TGS1: variants seen among roughly 807,000 people sequenced by gnomAD.
The protein encoded by TGS1 is trimethylguanosine synthase.
A neutral mutation model predicts 92.2 loss-of-function variants in TGS1; 69 were observed. The observed-to-expected ratio is 0.75, with a 90% confidence interval of 0.62 to 0.91. The LOEUF is 0.91. Ranked by LOEUF, TGS1 falls within the 40% of genes least tolerant of loss-of-function variation. TGS1 has a pLI of 0.00. For synonymous variants in TGS1, 345 were observed against 338.1 expected (o/e 1.02, Z -0.22); for missense variants, 1,062 against 1,001.2 (o/e 1.06, Z -0.82).
In TGS1 at chr8:55,786,843, T is replaced by G; in HGVS notation, c.945T>G (p.Ser315Arg). The G allele has an allele frequency of 6.2e-7, 1 of 1,614,124 alleles. No homozygotes were observed. The highest frequency in any genetic ancestry group is 8.5e-7 in the Non-Finnish European group (1 of 1,179,994). The stretch of plus-strand genomic sequence containing the variant: ...CTGGTACAAGTGATAAGGATCATAG[T>G]GAAATACTTGATGGAATTAGTAACA... ...DSSGTSDKDH[S>R]EILDGISNIK... is the part of the protein sequence containing the mutation. The change falls in exon 4 of 13, where the codon AGT becomes AGG. Residue 315 changes from serine to arginine, a missense_variant. By Grantham distance (110) the Ser-to-Arg change is moderately radical (BLOSUM62 -1). Coordinates refer to ENST00000260129, the MANE Select transcript of TGS1 (RefSeq NM_024831.8).
At chr8:55,787,231 TTAA>T (rs149583415) in intron 4 of TGS1, among the ~76,000 whole-genome samples, 171 bp downstream of exon 4, 2,007 of 152,352 alleles carry the variant, frequency 0.013, 38 homozygotes, top group African/African-American at 0.046. Flanking sequence ...TCCTTTTCTA[TTAA>T]TAAGAATATT....
In TGS1 at chr8:55,773,505, T is replaced by TCTC. The variant is rs1279659137; in HGVS notation, c.-110_-108dup. ...GCGAGCGGCCGCGGGCCAGTTTCTA[T>TCTC]CTCCTCATCCAGGGCTTGCGGGCGA... On this transcript the variant is annotated 5_prime_UTR_variant, in exon 1 of 13. Transcript: ENST00000260129. 1.8e-5 allele frequency: 13 copies of TCTC among 722,586 alleles called. No homozygotes were observed. The highest frequency in any genetic ancestry group is 6.9e-5 in the Admixed American group (2 of 28,870). 44.8% of individuals were successfully genotyped at this position (722,586 alleles called of 1,614,324 possible).
chr8:55,791,904 C>A (rs552967726), intron 5 of TGS1, among the ~76,000 whole-genome samples: 18 of 152,110 alleles, frequency 1.2e-4, no homozygotes, highest in Non-Finnish European at 2.5e-4. Flanking sequence ...AAGAATGGAT[C>A]GTTACTGAAC....
rs1043428195 is a variant in TGS1, at chr8:55,803,293, G to A, written c.1999+687G>A. 7.3e-4 allele frequency among the ~76,000 whole-genome samples: 111 copies of A among 152,114 alleles called. 1 individual carries two copies. Among genetic ancestry groups the A allele is most frequent in the Non-Finnish European group, 2.6e-4 (18 of 68,024 alleles). ...GGATACAATTTAATGAATTAACTTC[G>A]CAAATTTTGAATTCTTTCTCCAGCT... On this transcript the variant is annotated intron_variant, in intron 9 of 12. Coordinates refer to ENST00000260129, the MANE Select transcript of TGS1 (RefSeq NM_024831.8).
At chr8:55,803,392 C>A (rs1299274660) in intron 9 of TGS1, among the ~76,000 whole-genome samples, 1 of 152,128 alleles carries the variant, frequency 6.6e-6, no homozygotes, top group Non-Finnish European at 1.5e-5. Context: ...TTGGGGTTAC[C>A]TAAATATTGG....
At chr8:55,782,882 T>C (rs1811605813) in intron 2 of TGS1, 70 bp downstream of exon 2, 1 of 985,366 alleles carries the variant, frequency 1.0e-6, no homozygotes. Flanking sequence ...TTATGTATAA[T>C]TTGTTATAAT....
At chr8:55,808,426 T>TA (rs1412906863) in intron 10 of TGS1, among the ~76,000 whole-genome samples, 1 of 152,156 alleles carries the variant, frequency 6.6e-6, no homozygotes, top group African/African-American at 2.4e-5. Flanking sequence ...TGCTCCCTGA[T>TA]AAAGTAGCAA....
At chr8:55,812,055 T>C (rs6998538) in intron 11 of TGS1, among the ~76,000 whole-genome samples, 19,251 of 152,160 alleles carry the variant, frequency 0.13, 1,277 homozygotes, top group African/African-American at 0.16. Flanking sequence ...CAATTCACAC[T>C]GATGCTGGCT....
chr8:55,793,477 G>A (rs1355013499), intron 6 of TGS1, among the ~76,000 whole-genome samples: 1 of 152,114 alleles, frequency 6.6e-6, no homozygotes, highest in Non-Finnish European at 1.5e-5. Flanking sequence ...GGGTAACAGA[G>A]TGAGACTCTC....
Position 55,792,312 on chromosome 8 carries a change from T to C in TGS1, c.1281-386T>C, listed in dbSNP as rs530145693. The stretch of plus-strand genomic sequence containing the variant: ...TTTTTTTGGATTGTATTGATACTTA[T>C]CAAACGTTTCCTTGTTTGTTTTTAA... On this transcript the variant is annotated intron_variant, in intron 5 of 12. Coordinates refer to ENST00000260129, the MANE Select transcript of TGS1 (RefSeq NM_024831.8). 4.2e-4 allele frequency among the ~76,000 whole-genome samples: 64 copies of C among 152,356 alleles called. No homozygotes were observed. In the South Asian group the frequency reaches 0.011, roughly 27 times the overall value.
intron 1 of TGS1, among the ~76,000 whole-genome samples, chr8:55,782,149 T>TTA (rs1563450267): frequency 2.5e-3 from 11 of 4,406 alleles, no homozygotes; most frequent in African/African-American, 5.3e-3. Context: ...ACTTACACTT[T>TTA]ATTTATTTAT....
chr8:55,817,929 G>A (rs1443698560), intron 12 of TGS1, among the ~76,000 whole-genome samples: 1 of 152,218 alleles, frequency 6.6e-6, no homozygotes, highest in African/African-American at 2.4e-5. Context: ...CACTTAGGGT[G>A]TACAGTGTCC....
At chr8:55,815,747 T>A (rs910818382) in intron 12 of TGS1, among the ~76,000 whole-genome samples, 2 of 152,092 alleles carry the variant, frequency 1.3e-5, no homozygotes, top group African/African-American at 4.8e-5. Flanking sequence ...TTTTCCTAGG[T>A]CCCTTATTAC....
chr8:55,823,006 T>A (rs1803691360), intron 12 of TGS1, among the ~76,000 whole-genome samples: 1 of 152,212 alleles, frequency 6.6e-6, no homozygotes, highest in African/African-American at 2.4e-5. Context: ...TTTCTCGTTG[T>A]TTATGCCTGT....
chr8:55,819,967 T>G (rs947026712), intron 12 of TGS1, among the ~76,000 whole-genome samples: 1 of 152,214 alleles, frequency 6.6e-6, no homozygotes, highest in East Asian at 1.9e-4. Context: ...TGCTTGCTGC[T>G]GCTAGCATTG....
intron 12 of TGS1, among the ~76,000 whole-genome samples, chr8:55,817,155 G>T (rs997484423): frequency 2.6e-5 from 4 of 152,240 alleles, no homozygotes; most frequent in Middle Eastern, 3.4e-3. Context: ...GAGCCACCAC[G>T]CCTGGCCCTC....
chr8:55,813,963 C>G (rs948275335), intron 12 of TGS1, among the ~76,000 whole-genome samples: 43 of 151,780 alleles, frequency 2.8e-4, no homozygotes, highest in African/African-American at 1.0e-3. Flanking sequence ...TTTTGTTTTT[C>G]TTTTGAGACC....
intron 9 of TGS1, 145 bp from the exon 10 acceptor site, chr8:55,804,748 C>G: frequency 1.2e-5 from 8 of 653,964 alleles, no homozygotes; most frequent in Admixed American, 3.4e-5. Flanking sequence ...GAATTTTTTT[C>G]TTTAAAACTG....
At chr8:55,818,210 G>T (rs1436360290) in intron 12 of TGS1, among the ~76,000 whole-genome samples, 1 of 151,050 alleles carries the variant, frequency 6.6e-6, no homozygotes, top group Non-Finnish European at 1.5e-5. Flanking sequence ...TTTTTTTTTT[G>T]AGACAGGGCC....
Sources: allele counts gnomAD v4.1 joint callset (sites outside exome capture counted in the v4.1 genomes callset), GRCh38; gene constraint gnomAD v4.1.1; transcripts MANE v1.5; gene names NCBI Gene and HGNC (gene_info 2026-07-23, HGNC 2026-07-21).